Variants in ZBTB10 observed in about 807,000 individuals in gnomAD.
ZBTB10 encodes the protein zinc finger and BTB domain containing 10.
ZBTB10 carries 32 observed loss-of-function variants against 76.4 expected under a neutral mutation model. The observed-to-expected ratio is 0.42, with a 90% confidence interval of 0.32 to 0.56. The LOEUF (loss-of-function observed/expected upper bound fraction) is 0.56. ZBTB10 is among the 20% of genes least tolerant of loss of function. The pLI, the probability that ZBTB10 is intolerant of heterozygous loss-of-function variation, is 0.14. For synonymous variants in ZBTB10, 523 were observed against 432.9 expected (o/e 1.21, Z -2.58); for missense variants, 1,057 against 1,098.5 (o/e 0.96, Z 0.53).
chr8:80,487,473 C>G lies in ZBTB10; in HGVS notation c.663C>G (p.Ser221Arg). 6.4e-7 allele frequency: 1 copy of G among 1,551,616 alleles called. No homozygotes were observed. The highest frequency in any genetic ancestry group is 8.7e-7 in the Non-Finnish European group (1 of 1,146,928). ...ATGGCGGGGACGAAGTGGAGGGCAG[C>G]GGTGTGGGAGCTGGCGAAGGAGAGA... is the stretch of plus-strand genomic sequence containing the variant. Reference protein sequence around the residue: ...GGDGGDEVEGSGVGAGEGETV... With the variant: ...GGDGGDEVEGRGVGAGEGETV... Residue 221 changes from serine to arginine, a missense_variant, in exon 1 of 6, where the codon AGC (serine) becomes AGG (arginine). By Grantham distance (110) the Ser-to-Arg change is moderately radical. Around this residue, in one of 5 missense-constraint regions of ZBTB10, gnomAD observed 556 missense variants for 451.7 expected, o/e 1.23. Transcript: ENST00000455036.
Position 80,500,043 on chromosome 8 carries a change from A to T in ZBTB10, c.1522A>T (p.Thr508Ser), listed in dbSNP as rs754155566. Residue 508 changes from threonine to serine, a missense_variant, in exon 2 of 6, where the codon ACC becomes TCC. Thr to Ser is a moderately conservative substitution (Grantham distance 58). Transcript: ENST00000455036. ...IASFWATRNL[T>S]NLASNVKIEN... ...CAGTTTTTGGGCAACACGGAATCTT[A>T]CCAATTTGGCAAGTAATGTAAAGAT... The T allele has an allele frequency of 6.2e-7, 1 of 1,613,972 alleles. No homozygotes were observed. The highest frequency in any genetic ancestry group is 2.2e-5 in the East Asian group (1 of 44,888).
intron 1 of ZBTB10, among the ~76,000 whole-genome samples, chr8:80,491,007 C>T (rs1187003651): frequency 6.6e-6 from 1 of 152,138 alleles, no homozygotes; most frequent in African/African-American, 2.4e-5. Flanking sequence ...AGTTCGAGAC[C>T]AGCCTGACCA....
Position 80,507,124 on chromosome 8 carries a change from A to G in ZBTB10, c.1861+6742A>G, listed in dbSNP as rs1020528114. On this transcript the variant is annotated intron_variant, in intron 2 of 5. Transcript: ENST00000455036. ...AGAGATCGAGATCATCCTGGCCAACATGGTGAAACCCCATCTCTACTAAAA... is the reference window on the plus strand; with the variant it reads ...AGAGATCGAGATCATCCTGGCCAACGTGGTGAAACCCCATCTCTACTAAAA... Among the ~76,000 whole-genome samples, 23 of 151,594 alleles carry G rather than the reference A, an allele frequency of 1.5e-4. No individual in the cohort carries two copies. In the East Asian group the frequency reaches 2.3e-3, roughly 15 times the overall value.
At chr8:80,510,661 TGTG>T (rs1816168023) in intron 2 of ZBTB10, among the ~76,000 whole-genome samples, 8 of 151,800 alleles carry the variant, frequency 5.3e-5, no homozygotes, top group Non-Finnish European at 1.0e-4. Context: ...TGTGTGTGTG[TGTG>T]TGTGTGTGTG....
At position 80,521,483 on chromosome 8, in the gene ZBTB10, ATAAAC is replaced by A. The variant is rs1816447340; in HGVS notation, c.*1958_*1962del. ...CATCCCATTTATCCCCTTCCTTTAA[ATAAAC>A]TAGTTTACAATTGGTAGATCTGTCT... On this transcript the variant is annotated 3_prime_UTR_variant, in exon 6 of 6. Coordinates refer to ENST00000455036, the MANE Select transcript of ZBTB10 (RefSeq NM_001105539.3). The A allele has an allele frequency of 6.6e-6, 1 of 151,748 alleles. No homozygotes were observed. Among genetic ancestry groups the A allele is most frequent in the African/African-American group, 2.4e-5 (1 of 41,426 alleles). 9.4% of individuals were successfully genotyped at this position (151,748 alleles called of 1,614,324 possible). A position where few individuals can be genotyped will look rare whatever the true frequency, so the allele number is the denominator to read the frequency against.
chr8:80,503,480 T>C (rs1815974776), intron 2 of ZBTB10, among the ~76,000 whole-genome samples: 1 of 151,998 alleles, frequency 6.6e-6, no homozygotes, highest in Non-Finnish European at 1.5e-5. Flanking sequence ...AATTCTGTCG[T>C]TGGGAATAGT....
chr8:80,510,509 T>G (rs189925876), intron 2 of ZBTB10, among the ~76,000 whole-genome samples: 23 of 152,342 alleles, frequency 1.5e-4, no homozygotes, highest in Non-Finnish European at 3.1e-4. Flanking sequence ...ATCTGTTCAC[T>G]GAGAAAAGAC....
intron 2 of ZBTB10, among the ~76,000 whole-genome samples, chr8:80,506,517 T>C (rs1203084660): frequency 6.6e-6 from 1 of 151,290 alleles, no homozygotes; most frequent in East Asian, 1.9e-4. Context: ...CGGGTTTTTT[T>C]CATGTTGGTG....
At chr8:80,509,938 A>G (rs969435354) in intron 2 of ZBTB10, among the ~76,000 whole-genome samples, 13 of 152,148 alleles carry the variant, frequency 8.5e-5, no homozygotes, top group African/African-American at 3.1e-4. Context: ...GACATGAGCC[A>G]TTGTACCCGT....
intron 1 of ZBTB10, among the ~76,000 whole-genome samples, chr8:80,493,207 G>GCGCGCGCGCGCGCGCGCGCGCACACA (rs375071529): frequency 8.0e-6 from 1 of 125,244 alleles, no homozygotes; most frequent in Non-Finnish European, 1.7e-5. Flanking sequence ...GCGCGCGCGC[G>GCGCGCGCGCGCGCGCGCGCGCACACA]CACACACACA....
At chr8:80,499,379 C>G in intron 1 of ZBTB10, 115 bp from the exon 2 acceptor site, 2 of 1,174,182 alleles carry the variant, frequency 1.7e-6, no homozygotes. Flanking sequence ...TGATTACTCA[C>G]AAATTAATAT....
Position 80,524,796 on chromosome 8 carries a change from A to G in ZBTB10, c.*5268A>G, listed in dbSNP as rs965890957. ...GCTCAAGATTGAAAATCGGTTTTTA[A>G]TTATCCAAAGATGAAATGGGGCTGC... On this transcript the variant is annotated 3_prime_UTR_variant, in exon 6 of 6. Coordinates refer to ENST00000455036, the MANE Select transcript of ZBTB10 (RefSeq NM_001105539.3). The G allele has an allele frequency of 5.9e-5, 9 of 152,094 alleles. No homozygotes were observed. The highest frequency in any genetic ancestry group is 2.2e-4 in the African/African-American group (9 of 41,436). The allele number at this position is 152,094 out of a possible 1,614,324, so 9.4% of individuals were successfully genotyped here.
At chr8:80,490,845 A>G (rs1585837014) in intron 1 of ZBTB10, among the ~76,000 whole-genome samples, 1 of 152,330 alleles carries the variant, frequency 6.6e-6, no homozygotes, top group South Asian at 2.1e-4. Context: ...GACGTTCTCA[A>G]GGATGGACTG....
rs151073685 is a variant in ZBTB10, at chr8:80,489,568, T to G, written c.972+1786T>G. On this transcript the variant is annotated intron_variant, in intron 1 of 5. Coordinates refer to ENST00000455036, the MANE Select transcript of ZBTB10 (RefSeq NM_001105539.3). ...TGCAAATTATAATTAGCTCCTTTAG[T>G]GAACCTGAAATCAGAAGAAGGGGCA... Among the ~76,000 whole-genome samples the G allele has an allele frequency of 2.5e-3, 380 of 152,308 alleles. 3 individuals carry two copies. Among genetic ancestry groups the G allele is most frequent in the Non-Finnish European group, 4.0e-3 (269 of 68,022 alleles).
intron 2 of ZBTB10, 89 bp from the exon 3 acceptor site, chr8:80,513,821 A>G: frequency 1.9e-6 from 2 of 1,028,986 alleles, no homozygotes; most frequent in South Asian, 2.8e-5. Flanking sequence ...GGTACTTTTT[A>G]TTTAAGAAAC....
Position 80,486,716 on chromosome 8 carries a change from G to A in ZBTB10, c.-95G>A. The stretch of plus-strand genomic sequence containing the variant: ...CGAGACCGGAACGCCGGGGGCGGGG[G>A]CGAGACAGAGGGGGAGCCGCGGGGA... On this transcript the variant is annotated 5_prime_UTR_variant, in exon 1 of 6. Coordinates refer to ENST00000455036, the MANE Select transcript of ZBTB10 (RefSeq NM_001105539.3). 7 of 1,000,738 alleles carry A rather than the reference G, an allele frequency of 7.0e-6. No homozygotes were observed. Among genetic ancestry groups the A allele is most frequent in the Non-Finnish European group, 8.3e-6 (7 of 840,772 alleles). The allele number at this position is 1,000,738 out of a possible 1,614,324, so 62.0% of individuals were successfully genotyped here. A position where few individuals can be genotyped will look rare whatever the true frequency, so the allele number is the denominator to read the frequency against.
At chr8:80,485,903 A>T (rs922905558), upstream of ZBTB10, 1 of 1,533,806 alleles carries the variant, frequency 6.5e-7, no homozygotes, top group Non-Finnish European at 8.7e-7. Flanking sequence ...GGCAGCGGGG[A>T]GGCGGCCAGA....
intron 1 of ZBTB10, among the ~76,000 whole-genome samples, chr8:80,488,128 A>G (rs1426674069): frequency 1.3e-5 from 2 of 152,164 alleles, no homozygotes; most frequent in Non-Finnish European, 2.9e-5. Context: ...AAAAAATTTT[A>G]TTAGCTGTGA....
In ZBTB10 at chr8:80,487,057, C is replaced by G. The variant is rs1175839690; in HGVS notation, c.247C>G (p.Pro83Ala). ...CCAAGACCTGGAGGCCTCCGCCGGG[C>G]CGGCCGCCGGCGCCGCCGAGGAAGC... ...EPQDLEASAG[P>A]AAGAAEEAKE... The change falls in exon 1 of 6, where the codon CCG (proline) becomes GCG (alanine). Residue 83 changes from proline (P) to alanine (A), a missense_variant. Physicochemically the swap from Pro to Ala is conservative, Grantham distance 27. This residue lies in a region of ZBTB10 where 556 missense variants were observed against 451.7 expected (regional missense o/e 1.23). Transcript: ENST00000455036. 6.6e-7 allele frequency: 1 copy of G among 1,515,598 alleles called. No individual in the cohort carries two copies. The allele number at this position is 1,515,598 out of a possible 1,614,324, so 93.9% of individuals were successfully genotyped here. A position where few individuals can be genotyped will look rare whatever the true frequency, so the allele number is the denominator to read the frequency against.
Sources: gnomAD v4.1 joint callset for allele counts (sites outside exome capture counted in the v4.1 genomes callset) on GRCh38, gnomAD v4.1.1 for gene constraint, gnomAD v4.1.1 regional missense constraint, MANE v1.5 for transcripts, NCBI Gene and HGNC (gene_info 2026-07-23, HGNC 2026-07-21) for gene names.